NAALADL2: variants seen among roughly 807,000 people sequenced by gnomAD.
The protein encoded by NAALADL2 is inactive N-acetylated-alpha-linked acidic dipeptidase-like protein 2.
NAALADL2 carries 76 observed loss-of-function variants against 87.2 expected under a neutral mutation model. The ratio of observed to expected loss-of-function variants is 0.87; its 90% CI spans 0.72 to 1.05. The LOEUF is 1.05. Ranked by LOEUF, NAALADL2 falls within the 50% of genes least tolerant of loss-of-function variation. NAALADL2 has a pLI of 0.00. For missense variants in NAALADL2, 1,089 were observed against 945.8 expected, an observed-to-expected ratio of 1.15 and a Z score of -1.99; for synonymous variants, 354 against 331.0, an observed-to-expected ratio of 1.07 and a Z score of -0.75.
chr3:174,781,951 G>A (rs1015612205), intron 3 of NAALADL2, among the ~76,000 whole-genome samples: 3 of 152,060 alleles, frequency 2.0e-5, no homozygotes, highest in Non-Finnish European at 4.4e-5. Context: ...ACGTGTTCAT[G>A]TATTACTTAA....
At chr3:174,567,948 A>G (rs1382445001) in intron 2 of NAALADL2, among the ~76,000 whole-genome samples, 1 of 151,736 alleles carries the variant, frequency 6.6e-6, no homozygotes, top group Non-Finnish European at 1.5e-5. Flanking sequence ...AATAAAAATT[A>G]CCACCTCTCT....
intron 3 of NAALADL2, among the ~76,000 whole-genome samples, chr3:175,249,415 C>T (rs1172099196): frequency 6.6e-6 from 1 of 151,972 alleles, no homozygotes; most frequent in Non-Finnish European, 1.5e-5. Context: ...AACAATTTGA[C>T]ACAAAATATC....
intron 2 of NAALADL2, among the ~76,000 whole-genome samples, chr3:175,116,290 A>G (rs907857536): frequency 1.3e-5 from 2 of 152,058 alleles, no homozygotes; most frequent in African/African-American, 4.8e-5. Context: ...AGGAAGTCAA[A>G]TTATCCCTGT....
chr3:175,705,108 G>A (rs1351138199), intron 11 of NAALADL2, among the ~76,000 whole-genome samples: 1 of 152,128 alleles, frequency 6.6e-6, no homozygotes, highest in African/African-American at 2.4e-5. Context: ...CTGTGGCATT[G>A]CTGGAGAGAG....
intron 5 of NAALADL2, among the ~76,000 whole-genome samples, chr3:175,364,777 T>G (rs1305198411): frequency 6.8e-6 from 1 of 147,680 alleles, no homozygotes; most frequent in African/African-American, 2.5e-5. Flanking sequence ...GATTATAAAT[T>G]TGTGTTTGTG....
chr3:175,796,091 G>A (rs1242440199), intron 13 of NAALADL2, among the ~76,000 whole-genome samples: 1 of 148,754 alleles, frequency 6.7e-6, no homozygotes, highest in Non-Finnish European at 1.5e-5. Flanking sequence ...GAGAGAGAGT[G>A]GGGGAGAGTG....
chr3:174,621,576 G>A (rs1337437790), intron 2 of NAALADL2, among the ~76,000 whole-genome samples: 1 of 152,018 alleles, frequency 6.6e-6, no homozygotes, highest in Non-Finnish European at 1.5e-5. Context: ...GAGGAATTTG[G>A]TGGCATTATA....
intron 5 of NAALADL2, among the ~76,000 whole-genome samples, chr3:175,351,206 TTAA>T (rs1419764784): frequency 6.6e-6 from 1 of 152,098 alleles, no homozygotes; most frequent in East Asian, 1.9e-4. Flanking sequence ...TCTACTCACT[TTAA>T]TAATGTTATC....
chr3:175,279,086 A>G (rs1200839568), intron 4 of NAALADL2, among the ~76,000 whole-genome samples: 1 of 152,162 alleles, frequency 6.6e-6, no homozygotes, highest in Non-Finnish European at 1.5e-5. Context: ...CAAATCTACC[A>G]GAGCAATTAG....
intron 5 of NAALADL2, among the ~76,000 whole-genome samples, chr3:175,329,001 T>C (rs1761090501): frequency 6.6e-6 from 1 of 152,200 alleles, no homozygotes; most frequent in African/African-American, 2.4e-5. Flanking sequence ...GAATAACAAA[T>C]CCTTTTCTTC....
chr3:174,528,149 CTT>C (rs1336829264), intron 1 of NAALADL2, among the ~76,000 whole-genome samples: 7 of 152,120 alleles, frequency 4.6e-5, no homozygotes, highest in African/African-American at 1.7e-4. Flanking sequence ...CTTTCTTCCA[CTT>C]TGTGTTATGT....
At chr3:174,696,152 G>T (rs962483983) in intron 2 of NAALADL2, among the ~76,000 whole-genome samples, 3 of 151,992 alleles carry the variant, frequency 2.0e-5, no homozygotes, top group Admixed American at 2.0e-4. Context: ...GGTGTAATGG[G>T]AAGTATTACA....
chr3:174,640,881 ACT>A (rs1723108650), intron 2 of NAALADL2, among the ~76,000 whole-genome samples: 1 of 151,690 alleles, frequency 6.6e-6, no homozygotes, highest in Non-Finnish European at 1.5e-5. Flanking sequence ...TCAAATTCTG[ACT>A]CTGCCATGAA....
intron 10 of NAALADL2, among the ~76,000 whole-genome samples, chr3:175,622,453 A>T (rs2149703779): frequency 6.6e-6 from 1 of 152,068 alleles, no homozygotes; most frequent in South Asian, 2.1e-4. Context: ...AACACTTCTT[A>T]TTTTTGTTTT....
At chr3:174,453,301 A>G (rs1025740797) in intron 1 of NAALADL2, among the ~76,000 whole-genome samples, 3 of 152,212 alleles carry the variant, frequency 2.0e-5, no homozygotes, top group Non-Finnish European at 2.9e-5. Flanking sequence ...GACCAAATCT[A>G]CAACTTATTT....
intron 9 of NAALADL2, among the ~76,000 whole-genome samples, chr3:175,563,236 T>C (rs1716565793): frequency 2.0e-5 from 3 of 152,148 alleles, no homozygotes; most frequent in South Asian, 4.1e-4. Context: ...AAATTGTCTA[T>C]CTCATCTGCA....
At chr3:175,578,008 T>C (rs192858004) in intron 10 of NAALADL2, among the ~76,000 whole-genome samples, 1 of 152,136 alleles carries the variant, frequency 6.6e-6, no homozygotes, top group Non-Finnish European at 1.5e-5. Context: ...TACAAATATA[T>C]ACGGAAAATA....
chr3:175,368,555 T>C (rs1463257603), intron 5 of NAALADL2, among the ~76,000 whole-genome samples: 1 of 142,888 alleles, frequency 7.0e-6, no homozygotes, highest in East Asian at 2.2e-4. Context: ...TTGAAAGGAC[T>C]GTAGCAGGTG....
intron 1 of NAALADL2, among the ~76,000 whole-genome samples, chr3:174,877,327 G>C (rs1301629183): frequency 2.0e-5 from 3 of 152,016 alleles, no homozygotes; most frequent in African/African-American, 7.2e-5. Flanking sequence ...TATGAAGCTG[G>C]CCAGTGTATC....
Sources: allele counts gnomAD v4.1 joint callset (sites outside exome capture counted in the v4.1 genomes callset), GRCh38; gene constraint gnomAD v4.1.1; transcripts MANE v1.5; gene names NCBI Gene and HGNC (gene_info 2026-07-23, HGNC 2026-07-21).